The following ZNF331 variants were observed in gnomAD, a reference collection of about 807,000 sequenced individuals.
ZNF331 encodes C2H2-like zinc finger protein rearranged in thyroid adenomas.
In ZNF331, 2 loss-of-function variants were observed where a neutral mutation model predicts 7.0. That is an observed-to-expected ratio of 0.29 (90% CI 0.12 to 0.90). The LOEUF (loss-of-function observed/expected upper bound fraction) is 0.90, where lower values mean the gene tolerates loss of function less well. Ranked by LOEUF, ZNF331 falls within the 40% of genes least tolerant of loss-of-function variation. The pLI is 0.58. For synonymous variants in ZNF331, 196 were observed against 205.4 expected (o/e 0.95, Z 0.39); for missense variants, 432 against 587.7 (o/e 0.74, Z 2.74).
At chr19:53,513,914 T>C in the ZNF331 span, among the ~76,000 whole-genome samples, 2 of 152,080 alleles carry the variant, frequency 1.3e-5, no homozygotes, top group African/African-American at 4.8e-5. Flanking sequence ...CCAGCCCCTT[T>C]GCTCATCTTT....
chr19:53,566,327 C>A (rs1236390751), intron 3 of ZNF331, among the ~76,000 whole-genome samples: 1 of 152,044 alleles, frequency 6.6e-6, no homozygotes, highest in Non-Finnish European at 1.5e-5. Context: ...GAGTTTTGCT[C>A]TTTCGTCCAG....
the ZNF331 span, among the ~76,000 whole-genome samples, chr19:53,505,411 C>G: frequency 6.6e-6 from 1 of 152,148 alleles, no homozygotes; most frequent in East Asian, 1.9e-4. Flanking sequence ...GTTTCCCAGG[C>G]TGGTCTCGAG....
upstream of ZNF331, among the ~76,000 whole-genome samples, chr19:53,516,737 T>A (rs1383230752): frequency 6.6e-6 from 1 of 152,184 alleles, no homozygotes; most frequent in Admixed American, 6.5e-5. Flanking sequence ...GGAAGCTAAC[T>A]CCTTACAACT....
intron 2 of ZNF331, among the ~76,000 whole-genome samples, chr19:53,531,213 T>G (rs1180046565): frequency 6.6e-6 from 1 of 152,222 alleles, no homozygotes; most frequent in Non-Finnish European, 1.5e-5. Flanking sequence ...TTACGTTTTA[T>G]TCATTAAATG....
upstream of ZNF331, chr19:53,537,595 C>A (rs928943313): frequency 1.3e-5 from 2 of 152,370 alleles, no homozygotes. Context: ...CCTGAGGCCC[C>A]TGCCTGGGAC....
chr19:53,550,531 T>TTTTC (rs2088922046), intron 2 of ZNF331, among the ~76,000 whole-genome samples: 3 of 110,628 alleles, frequency 2.7e-5, no homozygotes, highest in Non-Finnish European at 5.0e-5. Context: ...TATTTTGTCT[T>TTTTC]TTTTTTTTTT....
chr19:53,556,971 CTTTTTTTTTTTTT>C (rs59869542), intron 3 of ZNF331, among the ~76,000 whole-genome samples: 6 of 69,624 alleles, frequency 8.6e-5, no homozygotes, highest in African/African-American at 2.9e-4. Flanking sequence ...ACACCTGGCT[CTTTTTTTTTTTTT>C]TTTTTTTTTT....
intron 3 of ZNF331, among the ~76,000 whole-genome samples, chr19:53,559,440 A>C: frequency 6.7e-6 from 1 of 149,040 alleles, no homozygotes; most frequent in East Asian, 1.9e-4. Flanking sequence ...CACCATATAT[A>C]CATATATACA....
At chr19:53,526,417 T>C (rs748419815) in intron 2 of ZNF331, among the ~76,000 whole-genome samples, 8 of 152,226 alleles carry the variant, frequency 5.3e-5, no homozygotes, top group Non-Finnish European at 8.8e-5. Flanking sequence ...GAGATATTTA[T>C]TGCTTATTCA....
chr19:53,572,362 C>A (rs2147667885), intron 5 of ZNF331, among the ~76,000 whole-genome samples: 1 of 151,964 alleles, frequency 6.6e-6, no homozygotes, highest in South Asian at 2.1e-4. Context: ...TCTGTGGTGA[C>A]CCTGCCTGTA....
chr19:53,546,140 G>GATAAAAAAAAAAAAAAAAAAA (rs1555757457), intron 2 of ZNF331, among the ~76,000 whole-genome samples: 1 of 113,484 alleles, frequency 8.8e-6, no homozygotes. Flanking sequence ...TCCTGAGGGG[G>GATAAAAAAAAAAAAAAAAAAA]AAAAAAAAAA....
chr19:53,549,079 C>T (rs1026743930), intron 2 of ZNF331, among the ~76,000 whole-genome samples: 9 of 152,168 alleles, frequency 5.9e-5, no homozygotes, highest in Non-Finnish European at 1.3e-4. Flanking sequence ...AAACTCCTGA[C>T]CTCAGGTGAG....
intron 2 of ZNF331, among the ~76,000 whole-genome samples, chr19:53,526,966 G>A (rs142413957): frequency 0.073 from 11,014 of 151,548 alleles, 528 homozygotes; most frequent in Non-Finnish European, 0.11. Context: ...CAAGGCAGGC[G>A]GATCACGAGG....
chr19:53,548,354 A>T (rs2088763604), intron 2 of ZNF331, among the ~76,000 whole-genome samples: 1 of 151,192 alleles, frequency 6.6e-6, no homozygotes, highest in Admixed American at 6.6e-5. Context: ...CTCATGATCC[A>T]CTTGCCTCAG....
intron 4 of ZNF331, among the ~76,000 whole-genome samples, chr19:53,570,774 C>T (rs905374575): frequency 2.0e-5 from 3 of 152,072 alleles, no homozygotes; most frequent in African/African-American, 4.8e-5. Context: ...TCAGGTGATC[C>T]GCCTGCCTCA....
intron 3 of ZNF331, 121 bp from the exon 4 acceptor site, chr19:53,569,183 A>C (rs2090319713): frequency 1.7e-6 from 1 of 583,372 alleles, no homozygotes; most frequent in Non-Finnish European, 3.1e-6. Flanking sequence ...CACCTTTCCC[A>C]GATATGTCAC....
At chr19:53,519,949 T>TGG (rs1372798041), upstream of ZNF331, among the ~76,000 whole-genome samples, 2 of 152,226 alleles carry the variant, frequency 1.3e-5, no homozygotes, top group African/African-American at 4.8e-5. Flanking sequence ...AAGAACGCTC[T>TGG]GGAGGCACAG....
At chr19:53,509,390 T>C in the ZNF331 span, among the ~76,000 whole-genome samples, 1 of 152,172 alleles carries the variant, frequency 6.6e-6, no homozygotes, top group Non-Finnish European at 1.5e-5. Flanking sequence ...ACTGTACTAA[T>C]TTCATCATGT....
upstream of ZNF331, chr19:53,537,636 C>G (rs1447084603): frequency 4.6e-5 from 7 of 152,354 alleles, no homozygotes; most frequent in Non-Finnish European, 1.0e-4. Flanking sequence ...AGAGACCATC[C>G]AGGAGTACGC....
Sources: allele counts gnomAD v4.1 joint callset (sites outside exome capture counted in the v4.1 genomes callset), GRCh38; gene constraint gnomAD v4.1.1; transcripts MANE v1.5; gene names NCBI Gene and HGNC (gene_info 2026-07-23, HGNC 2026-07-21).